Variants in GAS7 observed in about 807,000 individuals in gnomAD.
GAS7 encodes the protein growth arrest-specific protein 7.
A neutral mutation model predicts 71.1 loss-of-function variants in GAS7; 28 were observed. That is an observed-to-expected ratio of 0.39 (90% CI 0.29 to 0.54). GAS7 has a LOEUF of 0.54. GAS7 is among the 20% of genes least tolerant of loss of function. GAS7 has a pLI of 0.62. For synonymous variants in GAS7, 258 were observed against 245.8 expected (o/e 1.05, Z -0.46); for missense variants, 436 against 627.8 (o/e 0.69, Z 3.27).
intron 1 of GAS7, among the ~76,000 whole-genome samples, chr17:10,108,834 A>C (rs1008099279): frequency 6.6e-6 from 1 of 152,210 alleles, no homozygotes; most frequent in Non-Finnish European, 1.5e-5. Flanking sequence ...AAATCAACTC[A>C]AGATGGATTA....
intron 1 of GAS7, among the ~76,000 whole-genome samples, chr17:10,128,757 T>C (rs367833783): frequency 2.0e-5 from 3 of 151,700 alleles, no homozygotes; most frequent in Admixed American, 1.3e-4. Flanking sequence ...GTAGCTGGGA[T>C]TACAGGCGCC....
At chr17:10,062,793 C>G (rs952984357) in intron 1 of GAS7, among the ~76,000 whole-genome samples, 1 of 152,190 alleles carries the variant, frequency 6.6e-6, no homozygotes, top group Admixed American at 6.5e-5. Context: ...CTTCTCTCCC[C>G]CAGGAGTGCT....
intron 2 of GAS7, among the ~76,000 whole-genome samples, chr17:9,994,874 C>T (rs1162935608): frequency 6.6e-6 from 1 of 152,194 alleles, no homozygotes; most frequent in Admixed American, 6.5e-5. Context: ...TTATCTTAAG[C>T]CCCTGAGGGC....
At chr17:9,994,673 T>C (rs961768831) in intron 2 of GAS7, among the ~76,000 whole-genome samples, 3 of 148,426 alleles carry the variant, frequency 2.0e-5, no homozygotes, top group African/African-American at 7.6e-5. Context: ...AAGCCAAAAT[T>C]GACAAATGGG....
chr17:10,096,801 C>A (rs1226679524), intron 1 of GAS7, among the ~76,000 whole-genome samples: 1 of 152,278 alleles, frequency 6.6e-6, no homozygotes, highest in Non-Finnish European at 1.5e-5. Context: ...ATCCTGACAT[C>A]TTTGGATCCT....
chr17:10,116,805 A>G (rs945574610), intron 1 of GAS7, among the ~76,000 whole-genome samples: 1 of 152,146 alleles, frequency 6.6e-6, no homozygotes, highest in Non-Finnish European at 1.5e-5. Flanking sequence ...GGGAGCTTAC[A>G]TTCTAGCAGG....
rs148209197 is a variant in GAS7, at chr17:10,058,446, C to T, written c.184-38549G>A. ...CAGCCTGGGCTACAGAGCGAGACTC[C>T]GTCTCAAAAAAAAAAAAAAAATCTG... is the stretch of plus-strand genomic sequence containing the variant. On this transcript the variant is annotated intron_variant, in intron 1 of 13. Transcript: ENST00000432992. Among the ~76,000 whole-genome samples the T allele has an allele frequency of 6.1e-3, 900 of 148,042 alleles. 12 individuals carry two copies. The highest frequency in any genetic ancestry group is 0.021 in the African/African-American group (843 of 39,462).
chr17:9,942,421 CAGAG>C (rs1051737318), intron 7 of GAS7, among the ~76,000 whole-genome samples: 2 of 152,004 alleles, frequency 1.3e-5, no homozygotes, highest in South Asian at 2.1e-4. Flanking sequence ...AACTTGGAGA[CAGAG>C]AGAGAGGAGG....
intron 4 of GAS7, among the ~76,000 whole-genome samples, chr17:9,961,504 C>G (rs931228967): frequency 6.6e-6 from 1 of 152,190 alleles, no homozygotes; most frequent in Non-Finnish European, 1.5e-5. Flanking sequence ...CCATCACCAC[C>G]GCGTTCCCAC....
At chr17:9,956,352 G>T (rs1425478817) in intron 5 of GAS7, among the ~76,000 whole-genome samples, 1 of 152,120 alleles carries the variant, frequency 6.6e-6, no homozygotes, top group Non-Finnish European at 1.5e-5. Flanking sequence ...GGACCCCAAG[G>T]GTTCACCTCC....
chr17:10,023,751 A>G (rs141648194), intron 1 of GAS7, among the ~76,000 whole-genome samples: 1 of 152,306 alleles, frequency 6.6e-6, no homozygotes, highest in Non-Finnish European at 1.5e-5. Flanking sequence ...GATCGTGGTA[A>G]TGGTTGCACA....
intron 1 of GAS7, among the ~76,000 whole-genome samples, chr17:10,125,537 G>A (rs4791384): frequency 0.29 from 28,669 of 99,324 alleles, 4,312 homozygotes; most frequent in Admixed American, 0.37. Context: ...AAAAAAAAAA[G>A]AAAAAAAAAA....
intron 5 of GAS7, among the ~76,000 whole-genome samples, chr17:9,947,462 C>G (rs554765093): frequency 2.0e-5 from 3 of 152,018 alleles, no homozygotes; most frequent in Non-Finnish European, 4.4e-5. Context: ...ATTAGGAAAG[C>G]GGCCGGGCGC....
chr17:10,195,611 A>T (rs1249555930), intron 1 of GAS7, among the ~76,000 whole-genome samples: 1 of 152,148 alleles, frequency 6.6e-6, no homozygotes, highest in East Asian at 1.9e-4. Context: ...CCATGCTCCC[A>T]AGCAAGCTGA....
At chr17:10,073,739 T>A (rs2073364376) in intron 1 of GAS7, among the ~76,000 whole-genome samples, 1 of 152,182 alleles carries the variant, frequency 6.6e-6, no homozygotes. Flanking sequence ...GCGTGACAGC[T>A]ACACGGGCGC....
At chr17:10,076,978 A>G (rs2073401345) in intron 1 of GAS7, among the ~76,000 whole-genome samples, 1 of 152,234 alleles carries the variant, frequency 6.6e-6, no homozygotes, top group Admixed American at 6.5e-5. Flanking sequence ...GCCCTTTGCC[A>G]TATTTTGTTT....
chr17:10,159,065 CAT>C (rs745794234), intron 1 of GAS7, among the ~76,000 whole-genome samples: 4,858 of 59,932 alleles, frequency 0.081, 361 homozygotes, highest in Non-Finnish European at 0.1. Context: ...GTCTCTAAAA[CAT>C]ATATATATAT....
chr17:10,112,681 G>T (rs1410434703), intron 1 of GAS7, among the ~76,000 whole-genome samples: 1 of 151,936 alleles, frequency 6.6e-6, no homozygotes, highest in South Asian at 2.1e-4. Context: ...AGAGGTTGTG[G>T]TGAGCTGAGA....
intron 2 of GAS7, among the ~76,000 whole-genome samples, chr17:10,006,680 G>A (rs1181592645): frequency 1.5e-5 from 2 of 136,000 alleles, no homozygotes; most frequent in Non-Finnish European, 3.0e-5. Flanking sequence ...GAGTGCATGC[G>A]TATTTTTTTT....
Sources: allele counts gnomAD v4.1 joint callset (sites outside exome capture counted in the v4.1 genomes callset), GRCh38; gene constraint gnomAD v4.1.1; transcripts MANE v1.5; gene names NCBI Gene and HGNC (gene_info 2026-07-23, HGNC 2026-07-21).